Variants in TTYH2 observed in about 807,000 individuals in gnomAD.
The protein encoded by TTYH2 is protein tweety homolog 2.
A neutral mutation model predicts 68.3 loss-of-function variants in TTYH2; 49 were observed. The observed-to-expected ratio is 0.72, with a 90% CI of 0.57 to 0.91. TTYH2 has a LOEUF of 0.91. Ranked by LOEUF, TTYH2 falls within the 40% of genes least tolerant of loss-of-function variation. The pLI, the probability that TTYH2 is intolerant of heterozygous loss-of-function variation, is 0.00. For missense variants in TTYH2, 631 were observed against 700.4 expected (o/e 0.90, Z 1.12); for synonymous variants, 272 against 300.8 (o/e 0.90, Z 0.99).
rs1232631189 is a variant in TTYH2 at position 74,257,523 on chromosome 17, AGAGGTG to A, written c.1525-2603_1525-2598del. On this transcript the variant is annotated intron_variant, in intron 13 of 13. Transcript: ENST00000269346. ...CACTCCTTAGCACCGAGCAAGTTCG[AGAGGTG>A]GATAAACTCCTCCCTCTGCCGAGCA... Among the ~76,000 whole-genome samples the A allele has an allele frequency of 5.9e-5, 9 of 152,272 alleles. No homozygotes were observed. The East Asian group carries it at 1.7e-3, about 30-fold the overall frequency.
At chr17:74,246,627 T>G (rs1256915843) in intron 6 of TTYH2, among the ~76,000 whole-genome samples, 1 of 152,160 alleles carries the variant, frequency 6.6e-6, no homozygotes, top group African/African-American at 2.4e-5. Flanking sequence ...CTCAGTGACC[T>G]CCTTCCTGTC....
At chr17:74,248,714 A>G (rs1049525373) in intron 6 of TTYH2, 3 of 1,310,650 alleles carry the variant, frequency 2.3e-6, no homozygotes, top group Non-Finnish European at 2.9e-6. Flanking sequence ...GAGTAACAGC[A>G]TGCGCTCTGC....
chr17:74,254,015 G>A (rs1159605404), intron 13 of TTYH2, among the ~76,000 whole-genome samples, 182 bp downstream of exon 13: 1 of 152,154 alleles, frequency 6.6e-6, no homozygotes, highest in Admixed American at 6.5e-5. Context: ...AAAGATGCAA[G>A]AAATCTCACT....
At chr17:74,256,970 T>C (rs956155299) in intron 13 of TTYH2, 1 of 152,200 alleles carries the variant, frequency 6.6e-6, no homozygotes. Flanking sequence ...ACCTTTTAAA[T>C]GCCAGCCTAG....
At chr17:74,235,011 T>C (rs1031778373) in intron 3 of TTYH2, among the ~76,000 whole-genome samples, 1 of 152,216 alleles carries the variant, frequency 6.6e-6, no homozygotes, top group African/African-American at 2.4e-5. Flanking sequence ...CTGTCGAATC[T>C]GCACATGGTA....
intron 6 of TTYH2, chr17:74,248,800 C>T (rs538854144): frequency 2.7e-5 from 38 of 1,418,208 alleles, no homozygotes; most frequent in South Asian, 3.1e-5. Flanking sequence ...ATGAGGCAAC[C>T]GGGGCACAGG....
chr17:74,230,257 A>ATTT (rs56348004), intron 2 of TTYH2, among the ~76,000 whole-genome samples: 2,295 of 149,548 alleles, frequency 0.015, 65 homozygotes, highest in African/African-American at 0.051. Context: ...TCATTTTTTC[A>ATTT]TTTTTTTTTT....
intron 9 of TTYH2, 117 bp from the exon 10 acceptor site, chr17:74,250,148 C>T (rs1449244968): frequency 8.9e-6 from 13 of 1,455,718 alleles, no homozygotes; most frequent in South Asian, 3.7e-5. Context: ...CTCCCGCCCC[C>T]GTGACTCGGC....
chr17:74,260,218 C>T lies in TTYH2; in HGVS notation c.*9C>T, dbSNP rs367818073. The T allele has an allele frequency of 2.2e-5, 35 of 1,613,548 alleles. No individual in the cohort carries two copies. Among genetic ancestry groups the T allele is most frequent in the Admixed American group, 5.0e-5 (3 of 59,998 alleles). ...ATCAGTTTCCAGCCTAACAGACTTTCGGGGGTTCCTGCCTCCTTTTTCCGT... is the reference window on the plus strand; with the variant it reads ...ATCAGTTTCCAGCCTAACAGACTTTTGGGGGTTCCTGCCTCCTTTTTCCGT... On this transcript the variant is annotated 3_prime_UTR_variant, in exon 14 of 14. Coordinates refer to ENST00000269346, the MANE Select transcript of TTYH2 (RefSeq NM_032646.6).
In TTYH2 at chr17:74,250,243, TCTCG is replaced by T. The variant is rs10606052; in HGVS notation, c.1024-18_1024-15del. The T allele has an allele frequency of 0.4, 634,031 of 1,602,700 alleles. 128,928 individuals are homozygous for T. The highest frequency in any genetic ancestry group is 0.54 in the African/African-American group (40,429 of 74,588). On this transcript the variant is annotated intron_variant, in intron 9 of 13. Transcript: ENST00000269346. ...CTCTCCTCCACAGCCCCTCGGCCTCTCTCGCTCTCTTCCCGCTTCAGGAAGACCT... is the reference window on the plus strand; with the variant it reads ...CTCTCCTCCACAGCCCCTCGGCCTCTCTCTCTTCCCGCTTCAGGAAGACCT...
At position 74,232,015 on chromosome 17, in the gene TTYH2, C is replaced by T. The variant is rs1459573270; in HGVS notation, c.414+1016C>T. Among the ~76,000 whole-genome samples the T allele has an allele frequency of 6.6e-6, 1 of 152,172 alleles. No homozygotes were observed. The highest frequency in any genetic ancestry group is 2.4e-5 in the African/African-American group (1 of 41,428). ...CTGAAAACTGCCTCTGCCTTTTCTA[C>T]CCCAGCTGCCTGGAATTGGAGTTTT... On this transcript the variant is annotated intron_variant, in intron 3 of 13. Transcript: ENST00000269346. This position sits in a 1 kb window ranked among gnomAD's most constrained non-coding sequence, Gnocchi z 5.1.
chr17:74,226,266 A>G (rs1598216335), intron 2 of TTYH2, among the ~76,000 whole-genome samples: 1 of 152,334 alleles, frequency 6.6e-6, no homozygotes, highest in East Asian at 1.9e-4. Context: ...GAGTGAGAAG[A>G]GAAGGGGGCT....
intron 2 of TTYH2, among the ~76,000 whole-genome samples, chr17:74,224,262 A>G (rs1598215234): frequency 6.6e-6 from 1 of 152,202 alleles, no homozygotes; most frequent in East Asian, 1.9e-4. Context: ...TGAGCCAGGC[A>G]TGGTAGTGCA....
Position 74,250,268 on chromosome 17 carries a change from G to A in TTYH2, c.1027G>A (p.Asp343Asn). The change falls in exon 10 of 14, where the codon GAC becomes AAC. Residue 343 changes from aspartate (D) to asparagine (N), a missense_variant. Transcript: ENST00000269346. The stretch of plus-strand genomic sequence containing the variant: ...TCTCGCTCTCTTCCCGCTTCAGGAA[G>A]ACCTGCTTGCAATCCAGCTCCTGCT... The part of the protein sequence containing the change: ...AVPLFSTAEE[D>N]LLAIQLLLNS... 6.2e-7 allele frequency: 1 copy of A among 1,612,802 alleles called. No homozygotes were observed.
rs568870658 is a variant in TTYH2, at chr17:74,247,384, AG to A, written c.805-1625del. On this transcript the variant is annotated intron_variant, in intron 6 of 13. Coordinates refer to ENST00000269346, the MANE Select transcript of TTYH2 (RefSeq NM_032646.6). The stretch of plus-strand genomic sequence containing the variant: ...CACACACATACATGCACACGCACAC[AG>A]GTGCTTGTCTTCATTAATAGGAGAG... Among the ~76,000 whole-genome samples, 76 of 152,224 alleles carry A rather than the reference AG, an allele frequency of 5.0e-4. No homozygotes were observed. The Middle Eastern group carries it at 0.017, about 34-fold the overall frequency.
intron 2 of TTYH2, among the ~76,000 whole-genome samples, chr17:74,227,791 T>C (rs73995093): frequency 0.033 from 4,888 of 148,948 alleles, 278 homozygotes; most frequent in African/African-American, 0.11. Context: ...TGCCCCCCCA[T>C]CTTGGATGAT....
rs765165618 is a variant in TTYH2, at chr17:74,230,964, G to A, written c.379G>A (p.Asp127Asn). 45 of 1,613,976 alleles carry A rather than the reference G, an allele frequency of 2.8e-5. 1 individual carries two copies. Among genetic ancestry groups the A allele is most frequent in the South Asian group, 6.6e-5 (6 of 91,080 alleles). ...GTACCAGCTGATGTACTCCTTGGAC[G>A]ATGCCAACCACACCTTCTCTGGGAT... ...GAYQLMYSLD[D>N]ANHTFSGIDA... Residue 127 changes from aspartate (D) to asparagine (N), a missense_variant, in exon 3 of 14, where the codon GAT (aspartate) becomes AAT (asparagine). By Grantham distance (23) the Asp-to-Asn change is conservative (BLOSUM62 1). Coordinates refer to ENST00000269346, the MANE Select transcript of TTYH2 (RefSeq NM_032646.6).
chr17:74,250,580 G>A (rs1360268718), intron 10 of TTYH2: 2 of 529,900 alleles, frequency 3.8e-6, no homozygotes, highest in Non-Finnish European at 3.4e-6. Flanking sequence ...GGGATGGGAG[G>A]GTTGGATGCG....
chr17:74,223,416 A>G (rs536089259), intron 2 of TTYH2, among the ~76,000 whole-genome samples: 5 of 152,210 alleles, frequency 3.3e-5, no homozygotes, highest in East Asian at 1.9e-4. Flanking sequence ...GTGAGGCACT[A>G]CACCTGGGCT....
Sources: gnomAD v4.1 joint callset for allele counts (sites outside exome capture counted in the v4.1 genomes callset) on GRCh38, gnomAD v4.1.1 for gene constraint, Gnocchi (gnomAD v3.1) non-coding constraint, MANE v1.5 for transcripts, NCBI Gene and HGNC (gene_info 2026-07-23, HGNC 2026-07-21) for gene names.